Variants in LRRTM4 observed in about 807,000 individuals in gnomAD.
LRRTM4 encodes the protein leucine-rich repeat transmembrane neuronal protein 4.
Under a neutral mutation model 47.6 loss-of-function variants are expected in LRRTM4, and 25 were observed. The observed-to-expected ratio is 0.53, with a 90% CI of 0.38 to 0.73. The LOEUF (loss-of-function observed/expected upper bound fraction) is 0.73, where lower values mean the gene tolerates loss of function less well. Ranked by LOEUF, LRRTM4 falls within the 30% of genes least tolerant of loss-of-function variation. The probability of loss-of-function intolerance (pLI) is 0.00; values close to 1 mark genes in which losing one functional copy is unlikely to be tolerated. For missense variants in LRRTM4, 638 were observed against 713.4 expected, an observed-to-expected ratio of 0.89 and a Z score of 1.20; for synonymous variants, 311 against 269.5, an observed-to-expected ratio of 1.15 and a Z score of -1.51.
chr2:77,261,390 C>T (rs754161392), intron 3 of LRRTM4, among the ~76,000 whole-genome samples: 4 of 151,988 alleles, frequency 2.6e-5, no homozygotes, highest in Non-Finnish European at 4.4e-5. Context: ...AGTGAAAAGC[C>T]GTTTTGTAAC....
At chr2:77,497,493 A>G (rs1033433770) in intron 3 of LRRTM4, among the ~76,000 whole-genome samples, 27 of 151,300 alleles carry the variant, frequency 1.8e-4, no homozygotes, top group African/African-American at 6.3e-4. Flanking sequence ...GGGACTCTAC[A>G]ATAAGAATCT....
intron 3 of LRRTM4, among the ~76,000 whole-genome samples, chr2:77,483,499 C>G (rs1677796435): frequency 6.6e-6 from 1 of 152,078 alleles, no homozygotes; most frequent in Admixed American, 6.5e-5. Flanking sequence ...CATCACCACG[C>G]TCAGCTAATT....
chr2:77,093,832 G>A (rs955960454), intron 3 of LRRTM4, among the ~76,000 whole-genome samples: 1 of 151,776 alleles, frequency 6.6e-6, no homozygotes, highest in Non-Finnish European at 1.5e-5. Context: ...GCCGGTCCTT[G>A]CCTTAAGTGA....
At chr2:76,812,772 C>CT (rs1269366984) in intron 3 of LRRTM4, among the ~76,000 whole-genome samples, 2,507 of 101,106 alleles carry the variant, frequency 0.025, 132 homozygotes, top group African/African-American at 0.1. Flanking sequence ...CCTCCTCTCC[C>CT]TCCCCCTCCT....
chr2:76,890,530 T>G (rs1673218231), intron 3 of LRRTM4, among the ~76,000 whole-genome samples: 1 of 151,976 alleles, frequency 6.6e-6, no homozygotes. Flanking sequence ...CAGTTAACAC[T>G]TTAATATGTT....
chr2:77,045,807 T>A lies in LRRTM4; in HGVS notation c.1552-296891A>T, dbSNP rs568104666. On this transcript the variant is annotated intron_variant, in intron 3 of 3. Transcript: ENST00000409884. ...CTTGGGTAAGTGTTTATCAGCAGCA[T>A]GAAAATGGACAAGCACAGCATTTTT... Among the ~76,000 whole-genome samples, 70 of 152,078 alleles carry A rather than the reference T, an allele frequency of 4.6e-4. 1 individual carries two copies. The highest frequency in any genetic ancestry group is 3.4e-3 in the Middle Eastern group (1 of 294).
intron 3 of LRRTM4, among the ~76,000 whole-genome samples, chr2:76,956,979 A>C (rs577662048): frequency 1.3e-5 from 2 of 151,884 alleles, no homozygotes; most frequent in Non-Finnish European, 3.0e-5. Context: ...TGTTCATCAC[A>C]GCATTACTAA....
intron 3 of LRRTM4, among the ~76,000 whole-genome samples, chr2:77,089,666 C>T (rs1289484833): frequency 6.6e-6 from 1 of 152,044 alleles, no homozygotes. Context: ...CCTCCTTCTA[C>T]TCCCCTGGCC....
intron 3 of LRRTM4, among the ~76,000 whole-genome samples, chr2:77,141,072 C>T (rs542337244): frequency 3.3e-5 from 5 of 152,196 alleles, no homozygotes; most frequent in Admixed American, 2.0e-4. Context: ...GGCAATTCCT[C>T]AAGGATCTAG....
At chr2:76,795,590 C>CATAA (rs1553410021) in intron 3 of LRRTM4, among the ~76,000 whole-genome samples, 1 of 64,782 alleles carries the variant, frequency 1.5e-5, no homozygotes, top group Non-Finnish European at 2.6e-5. Context: ...CACACACACA[C>CATAA]ATACACACAC....
At chr2:77,421,295 TTAAGA>T (rs1291420461) in intron 3 of LRRTM4, among the ~76,000 whole-genome samples, 1 of 152,222 alleles carries the variant, frequency 6.6e-6, no homozygotes, top group Non-Finnish European at 1.5e-5. Context: ...TATACAAATC[TTAAGA>T]TAACCCAGTG....
intron 3 of LRRTM4, among the ~76,000 whole-genome samples, chr2:77,087,971 G>C (rs905215007): frequency 6.6e-6 from 1 of 152,074 alleles, no homozygotes; most frequent in Non-Finnish European, 1.5e-5. Flanking sequence ...TTATTGTTGA[G>C]TGCAACCCCA....
At chr2:77,183,867 G>A (rs1206173299) in intron 3 of LRRTM4, among the ~76,000 whole-genome samples, 10 of 152,066 alleles carry the variant, frequency 6.6e-5, no homozygotes, top group Non-Finnish European at 1.5e-4. Context: ...TGACTCATAG[G>A]TGGGAATTGA....
chr2:77,232,364 T>C (rs1250037050), intron 3 of LRRTM4, among the ~76,000 whole-genome samples: 1 of 152,224 alleles, frequency 6.6e-6, no homozygotes, highest in Non-Finnish European at 1.5e-5. Context: ...GTCCTTAAAT[T>C]CTACTTAACA....
intron 3 of LRRTM4, among the ~76,000 whole-genome samples, chr2:76,967,239 C>T (rs762820993): frequency 4.0e-5 from 6 of 150,206 alleles, no homozygotes; most frequent in South Asian, 2.1e-4. Flanking sequence ...TTATTCCAGA[C>T]ACCTCCCTGA....
intron 3 of LRRTM4, among the ~76,000 whole-genome samples, chr2:77,410,993 G>T (rs1413902466): frequency 6.6e-6 from 1 of 152,144 alleles, no homozygotes; most frequent in African/African-American, 2.4e-5. Flanking sequence ...GACCCAACGA[G>T]AATCTTATTT....
chr2:77,168,088 G>C (rs545810468), intron 3 of LRRTM4, among the ~76,000 whole-genome samples: 1 of 152,014 alleles, frequency 6.6e-6, no homozygotes, highest in Non-Finnish European at 1.5e-5. Context: ...GGGTGTTTGT[G>C]TGCATATGTG....
rs145069301 is a variant in LRRTM4 at position 77,477,779 on chromosome 2, C to T, written c.1551+40539G>A. On this transcript the variant is annotated intron_variant, in intron 3 of 3. Transcript: ENST00000409884. ...CCTTGAACCCGGGAGGTAGAGGTTGCGGTGAGCCCAGATCGCACCATCACA... is the reference window on the plus strand; with the variant it reads ...CCTTGAACCCGGGAGGTAGAGGTTGTGGTGAGCCCAGATCGCACCATCACA... Among the ~76,000 whole-genome samples, 14 of 142,698 alleles carry T rather than the reference C, an allele frequency of 9.8e-5. 1 individual carries two copies. The highest frequency in any genetic ancestry group is 6.1e-4 in the East Asian group (3 of 4,888). The allele number at this position is 142,698 out of a possible 152,430, so 93.6% of individuals were successfully genotyped here.
At chr2:76,880,783 G>A (rs560867514) in intron 3 of LRRTM4, among the ~76,000 whole-genome samples, 5 of 152,272 alleles carry the variant, frequency 3.3e-5, no homozygotes, top group Non-Finnish European at 7.4e-5. Flanking sequence ...GGCAAACACA[G>A]TTACAACTAC....
Sources: allele counts gnomAD v4.1 joint callset (sites outside exome capture counted in the v4.1 genomes callset), GRCh38; gene constraint gnomAD v4.1.1; transcripts MANE v1.5; gene names NCBI Gene and HGNC (gene_info 2026-07-23, HGNC 2026-07-21).